The following KCNQ1OT1 variants were observed in gnomAD, a reference collection of about 807,000 sequenced individuals.
KCNQ1OT1 encodes the protein KCNQ1 opposite strand/antisense transcript 1, also known as KCNQ1 antisense RNA 2 (non-protein coding).
exon 1 of KCNQ1OT1, chr11:2,648,214 G>C (rs962552402): frequency 5.0e-6 from 2 of 398,006 alleles, no homozygotes; most frequent in African/African-American, 4.1e-5. Flanking sequence ...CGGGGGGTGG[G>C]GGGGAGGCCT....
At chr11:2,689,211 TG>T in exon 1 of KCNQ1OT1, 3 of 398,806 alleles carry the variant, frequency 7.5e-6, no homozygotes, top group Non-Finnish European at 1.3e-5. Context: ...TTGCTGACTT[TG>T]ATGCAGTGGT....
chr11:2,696,358 C>A (rs939993864), exon 1 of KCNQ1OT1: 1 of 398,520 alleles, frequency 2.5e-6, no homozygotes, highest in African/African-American at 2.1e-5. Context: ...ATCTTCTGAA[C>A]AGTCCCCACT....
rs535063397 is a variant in KCNQ1OT1, at chr11:2,624,233, G to A, written n.75762C>T. 296 of 398,380 alleles carry A rather than the reference G, an allele frequency of 7.4e-4. 2 individuals carry two copies. Among genetic ancestry groups the A allele is most frequent in the South Asian group, 1.3e-3 (10 of 7,850 alleles). The allele number at this position is 398,380 out of a possible 1,614,324, so 24.7% of individuals were successfully genotyped here. Reference sequence around the variant, plus strand: ...GTATATCTTCATTGGTGAGATGTCTGTTAAGGTCTTCAGTCCATTTTGTAA... The same window carrying A: ...GTATATCTTCATTGGTGAGATGTCTATTAAGGTCTTCAGTCCATTTTGTAA... On this transcript the variant is annotated non_coding_transcript_exon_variant, in exon 1 of 1. Coordinates refer to ENST00000597346, the Ensembl canonical transcript of KCNQ1OT1. The surrounding 1 kb of genome is among the most constrained non-coding windows in gnomAD (Gnocchi z 4.9).
rs1849772989 is a variant in KCNQ1OT1, at chr11:2,652,529, G to A, written n.47466C>T. On this transcript the variant is annotated non_coding_transcript_exon_variant, in exon 1 of 1. Transcript: ENST00000597346. The surrounding 1 kb of genome is among the most constrained non-coding windows in gnomAD (Gnocchi z 5.9). ...GAATGTCCTGTGAGCTCAACTCTTG[G>A]AGAAGATAGTGCTTAACCCAGATTC... 2 of 398,550 alleles carry A rather than the reference G, an allele frequency of 5.0e-6. No homozygotes were observed. Among genetic ancestry groups the A allele is most frequent in the Admixed American group, 8.8e-5 (2 of 22,740 alleles). The allele number at this position is 398,550 out of a possible 1,614,324, so 24.7% of individuals were successfully genotyped here.
chr11:2,684,010 C>T (rs963137856), exon 1 of KCNQ1OT1: 19 of 398,004 alleles, frequency 4.8e-5, no homozygotes, highest in Non-Finnish European at 7.1e-5. Context: ...TCCGTCTCTC[C>T]TTAGTCAACA....
At chr11:2,675,636 G>A (rs914117780) in exon 1 of KCNQ1OT1, 7 of 398,518 alleles carry the variant, frequency 1.8e-5, no homozygotes, top group African/African-American at 4.1e-5. Flanking sequence ...TTATTAGAGG[G>A]TGGTTGGGCT....
exon 1 of KCNQ1OT1, chr11:2,672,038 C>A: frequency 2.5e-6 from 1 of 398,694 alleles, no homozygotes; most frequent in South Asian, 1.3e-4. Flanking sequence ...CTGGCCCGGT[C>A]TGCACTCAAG....
chr11:2,643,838 T>C (rs1417942758), exon 1 of KCNQ1OT1: 2 of 398,486 alleles, frequency 5.0e-6, no homozygotes, highest in East Asian at 3.6e-5. Flanking sequence ...TTCTCCTTCA[T>C]TTCTGACGAA....
chr11:2,654,667 G>A lies in KCNQ1OT1; in HGVS notation n.45328C>T. The A allele has an allele frequency of 2.5e-6, 1 of 398,962 alleles. No individual in the cohort carries two copies. The highest frequency in any genetic ancestry group is 4.4e-5 in the Admixed American group (1 of 22,744). The allele number at this position is 398,962 out of a possible 1,614,324, so 24.7% of individuals were successfully genotyped here. On this transcript the variant is annotated non_coding_transcript_exon_variant, in exon 1 of 1. Coordinates refer to ENST00000597346, the Ensembl canonical transcript of KCNQ1OT1. This position sits in a 1 kb window ranked among gnomAD's most constrained non-coding sequence, Gnocchi z 6.4. ...TCTCTTGAGGGCAGAGGGCAGCAGA[G>A]ATGGGCTGGAGCTTTGAGCTTTGTC...
chr11:2,699,355 C>G (rs1448651384), exon 1 of KCNQ1OT1: 1 of 399,156 alleles, frequency 2.5e-6, no homozygotes, highest in Non-Finnish European at 4.4e-6. Flanking sequence ...TCACCCGTCC[C>G]GCGCCGTCCG....
chr11:2,687,632 C>A lies in KCNQ1OT1; in HGVS notation n.12363G>T, dbSNP rs751165372. 2.0e-4 allele frequency: 78 copies of A among 398,584 alleles called. No homozygotes were observed. The highest frequency in any genetic ancestry group is 3.1e-4 in the Non-Finnish European group (71 of 226,138). The allele number at this position is 398,584 out of a possible 1,614,324, so 24.7% of individuals were successfully genotyped here. A position where few individuals can be genotyped will look rare whatever the true frequency, so the allele number is the denominator to read the frequency against. ...AGATCCCTTCTCCATTCCTCTCAGG[C>A]CCCTGTAAAAATTGGGACCTGTCCT... On this transcript the variant is annotated non_coding_transcript_exon_variant, in exon 1 of 1. Coordinates refer to ENST00000597346, the Ensembl canonical transcript of KCNQ1OT1. This position sits in a 1 kb window ranked among gnomAD's most constrained non-coding sequence, Gnocchi z 5.0.
At chr11:2,662,541 T>C (rs1185998891) in exon 1 of KCNQ1OT1, 2 of 428,054 alleles carry the variant, frequency 4.7e-6, no homozygotes. Flanking sequence ...TTTCCACGCC[T>C]TCCAGTTGGC....
exon 1 of KCNQ1OT1, chr11:2,665,386 C>T (rs1024403414): frequency 2.5e-5 from 10 of 397,588 alleles, no homozygotes; most frequent in Admixed American, 4.4e-5. Context: ...AGCCCTGTAC[C>T]CCAAGAGCCA....
exon 1 of KCNQ1OT1, chr11:2,625,747 T>G: frequency 2.5e-6 from 1 of 397,824 alleles, no homozygotes; most frequent in Non-Finnish European, 4.4e-6. Context: ...TTTTTTGTAT[T>G]TTTAGTAGAG....
At position 2,623,106 on chromosome 11, in the gene KCNQ1OT1, C is replaced by T. The variant is rs536546516; in HGVS notation, n.76889G>A. The T allele has an allele frequency of 9.8e-5, 39 of 398,558 alleles. No individual in the cohort carries two copies. Among genetic ancestry groups the T allele is most frequent in the Middle Eastern group, 6.3e-4 (1 of 1,586 alleles). The allele number at this position is 398,558 out of a possible 1,614,324, so 24.7% of individuals were successfully genotyped here. On this transcript the variant is annotated non_coding_transcript_exon_variant, in exon 1 of 1. Coordinates refer to ENST00000597346, the Ensembl canonical transcript of KCNQ1OT1. The surrounding 1 kb of genome is among the most constrained non-coding windows in gnomAD (Gnocchi z 5.2). ...TTCTCATGAGATCTGGTTGTTTAAA[C>T]GTGTGTGGCACTTCCCATCTCACTT...
At chr11:2,689,827 C>T (rs565673449) in exon 1 of KCNQ1OT1, 2 of 398,772 alleles carry the variant, frequency 5.0e-6, no homozygotes, top group Admixed American at 8.8e-5. Flanking sequence ...TTGGCCCTCC[C>T]AGGTGCCTGG....
Position 2,663,984 on chromosome 11 carries a change from T to C in KCNQ1OT1, n.36011A>G, listed in dbSNP as rs1850016922. On this transcript the variant is annotated non_coding_transcript_exon_variant, in exon 1 of 1. Transcript: ENST00000597346. The surrounding 1 kb of genome is among the most constrained non-coding windows in gnomAD (Gnocchi z 5.2). ...GACCTGAACATCCATCCCCAAGCTC[T>C]CTGCCCACTTTGGGTCTGGCACATT... 1.8e-5 allele frequency: 7 copies of C among 398,622 alleles called. No individual in the cohort carries two copies. The highest frequency in any genetic ancestry group is 3.1e-5 in the Non-Finnish European group (7 of 226,146). 24.7% of individuals were successfully genotyped at this position (398,622 alleles called of 1,614,324 possible).
exon 1 of KCNQ1OT1, chr11:2,633,195 G>A (rs1456398871): frequency 2.5e-6 from 1 of 398,442 alleles, no homozygotes. Flanking sequence ...ATACCTGTTG[G>A]CCAGTTGTTC....
Position 2,652,117 on chromosome 11 carries a change from G to T in KCNQ1OT1, n.47878C>A. The T allele has an allele frequency of 2.5e-6, 1 of 398,704 alleles. No individual in the cohort carries two copies. 24.7% of individuals were successfully genotyped at this position (398,704 alleles called of 1,614,324 possible). On this transcript the variant is annotated non_coding_transcript_exon_variant, in exon 1 of 1. Transcript: ENST00000597346. The surrounding 1 kb of genome is among the most constrained non-coding windows in gnomAD (Gnocchi z 5.9). ...CCCAGTTCTGGCCTGGCTGGGAGGT[G>T]GCCTGGGAAGGGACCTGTGTTTCTC...
Sources: allele counts gnomAD v4.1 joint callset, GRCh38; gene constraint gnomAD v4.1.1; non-coding constraint Gnocchi (gnomAD v3.1); transcripts MANE v1.5; gene names NCBI Gene and HGNC (gene_info 2026-07-23, HGNC 2026-07-21).